MYRIP: variants seen among roughly 807,000 people sequenced by gnomAD.
MYRIP encodes the protein myosin VIIA and Rab interacting protein.
A neutral mutation model predicts 98.0 loss-of-function variants in MYRIP; 49 were observed. The ratio of observed to expected loss-of-function variants is 0.50; its 90% CI spans 0.40 to 0.63. The LOEUF is 0.63. MYRIP is among the 30% of genes least tolerant of loss of function. MYRIP has a pLI of 0.00. For synonymous variants in MYRIP, 404 were observed against 409.5 expected (o/e 0.99, Z 0.16); for missense variants, 1,004 against 1,058.2 (o/e 0.95, Z 0.71).
intron 1 of MYRIP, among the ~76,000 whole-genome samples, chr3:39,847,033 C>G (rs1941985324): frequency 6.6e-6 from 1 of 152,208 alleles, no homozygotes; most frequent in South Asian, 2.1e-4. Flanking sequence ...GCAGGGCAAT[C>G]TCTTTTACTC....
intron 2 of MYRIP, among the ~76,000 whole-genome samples, chr3:39,945,809 C>A (rs1467440930): frequency 6.6e-6 from 1 of 151,970 alleles, no homozygotes; most frequent in Non-Finnish European, 1.5e-5. Context: ...GATTGTACAA[C>A]TTAATATGAT....
chr3:40,113,365 G>A (rs1446771583), intron 3 of MYRIP, among the ~76,000 whole-genome samples: 19 of 152,206 alleles, frequency 1.2e-4, no homozygotes, highest in Admixed American at 1.2e-3. Flanking sequence ...GGCTGGTCTC[G>A]AACTCCTCAC....
intron 2 of MYRIP, among the ~76,000 whole-genome samples, chr3:39,936,960 A>G (rs1257124819): frequency 1.3e-5 from 2 of 152,162 alleles, no homozygotes; most frequent in Admixed American, 6.5e-5. Context: ...CCCCAATAAC[A>G]GTTAATTATT....
chr3:39,928,060 T>C (rs1944456820), intron 2 of MYRIP, among the ~76,000 whole-genome samples: 1 of 151,990 alleles, frequency 6.6e-6, no homozygotes, highest in Admixed American at 6.6e-5. Context: ...TATACACATA[T>C]AAATTTGACA....
rs188156061 is a variant in MYRIP, at chr3:39,992,295, T to A, written c.111-51755T>A. 3.9e-5 allele frequency among the ~76,000 whole-genome samples: 6 copies of A among 152,292 alleles called. No individual in the cohort carries two copies. In the East Asian group the frequency reaches 1.2e-3, roughly 29 times the overall value. ...TGCAATGTAGTTTAGCTTCTATTCT[T>A]CTGACTCTGCTTCCACCACCTTGAG... is the stretch of plus-strand genomic sequence containing the variant. On this transcript the variant is annotated intron_variant, in intron 2 of 16. Transcript: ENST00000302541.
At chr3:39,835,671 G>A (rs1329299939) in intron 1 of MYRIP, among the ~76,000 whole-genome samples, 1 of 152,088 alleles carries the variant, frequency 6.6e-6, no homozygotes, top group African/African-American at 2.4e-5. Context: ...GTATACATGT[G>A]CCATGGTGGT....
At chr3:39,932,983 A>G (rs1163233016) in intron 2 of MYRIP, among the ~76,000 whole-genome samples, 1 of 152,220 alleles carries the variant, frequency 6.6e-6, no homozygotes, top group Non-Finnish European at 1.5e-5. Flanking sequence ...CAGAATTTAA[A>G]TGAGGACAGA....
chr3:39,874,494 T>C (rs1368698779), intron 1 of MYRIP, among the ~76,000 whole-genome samples: 1 of 152,204 alleles, frequency 6.6e-6, no homozygotes, highest in Non-Finnish European at 1.5e-5. Context: ...AGATAACTCT[T>C]ATTATTTTGA....
intron 12 of MYRIP, among the ~76,000 whole-genome samples, chr3:40,236,319 T>C (rs1226146884): frequency 1.4e-4 from 21 of 152,222 alleles, no homozygotes; most frequent in African/African-American, 4.8e-5. Context: ...ATCCTCATTA[T>C]TTAGCAAAGC....
intron 2 of MYRIP, among the ~76,000 whole-genome samples, chr3:39,955,386 GA>G (rs1945130172): frequency 6.6e-6 from 1 of 152,144 alleles, no homozygotes; most frequent in Non-Finnish European, 1.5e-5. Flanking sequence ...CATTCTTAAA[GA>G]AAAGAATTTT....
chr3:40,201,973 T>C (rs1951576829), intron 10 of MYRIP, among the ~76,000 whole-genome samples: 1 of 152,158 alleles, frequency 6.6e-6, no homozygotes, highest in Admixed American at 6.5e-5. Context: ...CTCATCCACT[T>C]GCCTCCACCC....
chr3:40,126,220 C>T (rs1225073549), intron 3 of MYRIP, among the ~76,000 whole-genome samples: 1 of 152,180 alleles, frequency 6.6e-6, no homozygotes, highest in Non-Finnish European at 1.5e-5. Flanking sequence ...ATGCCCATTC[C>T]CAGACCCCAT....
At chr3:39,874,323 AC>A (rs1942907431) in intron 1 of MYRIP, among the ~76,000 whole-genome samples, 1 of 151,670 alleles carries the variant, frequency 6.6e-6, no homozygotes, top group African/African-American at 2.4e-5. Context: ...CTAATTGAAT[AC>A]CCTTTATTTC....
chr3:40,208,416 T>G (rs2125662860), intron 10 of MYRIP, among the ~76,000 whole-genome samples: 1 of 152,294 alleles, frequency 6.6e-6, no homozygotes, highest in South Asian at 2.1e-4. Flanking sequence ...TATGTACATA[T>G]GAACACTTCA....
chr3:40,027,799 A>C (rs1947169379), intron 2 of MYRIP, among the ~76,000 whole-genome samples: 1 of 152,102 alleles, frequency 6.6e-6, no homozygotes, highest in Non-Finnish European at 1.5e-5. Flanking sequence ...CATTCTAAGC[A>C]AAGCCCATGG....
Position 39,957,299 on chromosome 3 carries a change from A to C in MYRIP, c.110+56373A>C, listed in dbSNP as rs191171467. ...CCCCAATAAAATACTGGCAAACCGA[A>C]TCCAGCAGCATATCAAAAAGCTTAT... On this transcript the variant is annotated intron_variant, in intron 2 of 16. Transcript: ENST00000302541. Among the ~76,000 whole-genome samples, 83 of 151,928 alleles carry C rather than the reference A, an allele frequency of 5.5e-4. 2 individuals are homozygous for C. In the East Asian group the frequency reaches 0.013, roughly 23 times the overall value.
rs112735101 is a variant in MYRIP, at chr3:40,058,364, T to G, written c.332+14093T>G. 6.9e-3 allele frequency among the ~76,000 whole-genome samples: 1,056 copies of G among 152,310 alleles called. 5 individuals carry two copies. The highest frequency in any genetic ancestry group is 0.017 in the Middle Eastern group (5 of 294). On this transcript the variant is annotated intron_variant, in intron 3 of 16. Coordinates refer to ENST00000302541, the MANE Select transcript of MYRIP (RefSeq NM_015460.4). ...TGAAGTCCCTAGAAACTAAAAAATA[T>G]GTGTAGAAGACTATAGCTTCAAGAC... is the stretch of plus-strand genomic sequence containing the variant.
At chr3:39,995,886 A>G (rs1373972789) in intron 2 of MYRIP, among the ~76,000 whole-genome samples, 2 of 152,196 alleles carry the variant, frequency 1.3e-5, no homozygotes, top group African/African-American at 2.4e-5. Context: ...AATATTCAAC[A>G]TTCTTAAAAG....
At chr3:40,160,385 T>G (rs1950357788) in intron 4 of MYRIP, among the ~76,000 whole-genome samples, 1 of 152,228 alleles carries the variant, frequency 6.6e-6, no homozygotes, top group South Asian at 2.1e-4. Flanking sequence ...GGAGAACCAC[T>G]GCTGTCTTCA....
Sources: gnomAD v4.1 joint callset for allele counts (sites outside exome capture counted in the v4.1 genomes callset) on GRCh38, gnomAD v4.1.1 for gene constraint, MANE v1.5 for transcripts, NCBI Gene and HGNC (gene_info 2026-07-23, HGNC 2026-07-21) for gene names.